The following PRICKLE3 variants were observed in gnomAD, a reference collection of about 807,000 sequenced individuals.
PRICKLE3 encodes the protein LIM domain only protein 6.
PRICKLE3 carries 17 observed loss-of-function variants against 33.8 expected under a neutral mutation model. The ratio of observed to expected loss-of-function variants is 0.50; its 90% CI spans 0.34 to 0.75. The LOEUF is 0.75. PRICKLE3 is among the 30% of genes least tolerant of loss of function. The pLI, the probability that PRICKLE3 is intolerant of heterozygous loss-of-function variation, is 0.01. For synonymous variants in PRICKLE3, 211 were observed against 219.6 expected (o/e 0.96, Z 0.34); for missense variants, 573 against 576.7 (o/e 0.99, Z 0.07).
At position 49,179,760 on chromosome X, in the gene PRICKLE3, A is replaced by G; in HGVS notation, c.359T>C (p.Val120Ala). The G allele has an allele frequency of 8.5e-7, 1 of 1,182,288 alleles. No homozygotes were observed. Among genetic ancestry groups the G allele is most frequent in the Non-Finnish European group, 1.1e-6 (1 of 878,327 alleles). The change falls in exon 4 of 9, where the codon GTC becomes GCC. Residue 120 changes from valine to alanine, a missense_variant. By Grantham distance (64) the Val-to-Ala change is moderately conservative. Transcript: ENST00000599218. ...SCLPEDKVPY[V>A]NSPGEKYRIK... ...CCTGTATTTCTCCCCAGGACTGTTGACGTAGGGGACCTTGTCCTCTGGGAG... is the reference window on the plus strand; with the variant it reads ...CCTGTATTTCTCCCCAGGACTGTTGGCGTAGGGGACCTTGTCCTCTGGGAG...
In PRICKLE3 at chrX:49,176,337, G is replaced by A. The variant is rs782301069; in HGVS notation, c.1256-72C>T. On this transcript the variant is annotated intron_variant, in intron 8 of 8. Transcript: ENST00000599218. ...GGCCCCCTCCTAAGAGGAGGCCTGC[G>A]GAAGGGCCTTCTTTCCTCCACTAAG... The A allele has an allele frequency of 7.8e-4, 627 of 806,639 alleles. 1 individual carries two copies. The South Asian group carries it at 0.015, about 19-fold the overall frequency. The allele number at this position is 806,639 out of a possible 1,213,427, so 66.5% of individuals were successfully genotyped here. A position where few individuals can be genotyped will look rare whatever the true frequency, so the allele number is the denominator to read the frequency against.
In PRICKLE3 at chrX:49,176,140, G is replaced by C; in HGVS notation, c.1381C>G (p.Pro461Ala). The change falls in exon 9 of 9, where the codon CCA becomes GCA. Residue 461 changes from proline to alanine, a missense_variant. Coordinates refer to ENST00000599218, the MANE Select transcript of PRICKLE3 (RefSeq NM_006150.5). ...PESPGQPNLR[P>A]DDSAFGRQST... is the part of the protein sequence containing the mutation. ...TGACGACCGAAGGCACTATCATCTG[G>C]GCGCAGGTTAGGCTGGCCGGGGGAC... 1 of 1,204,272 alleles carries C rather than the reference G, an allele frequency of 8.3e-7. No homozygotes were observed. The highest frequency in any genetic ancestry group is 1.1e-6 in the Non-Finnish European group (1 of 892,217).
intron 8 of PRICKLE3, among the ~76,000 whole-genome samples, 193 bp downstream of exon 8, chrX:49,176,710 G>A (rs782630199): frequency 9.2e-6 from 1 of 109,002 alleles, no homozygotes; most frequent in East Asian, 2.9e-4. Context: ...TTCATGAGGC[G>A]GGTGTAGTTT....
chrX:49,183,728 G>T lies in PRICKLE3; in HGVS notation c.312+6C>A. 8.3e-7 allele frequency: 1 copy of T among 1,211,640 alleles called. No homozygotes were observed. Among genetic ancestry groups the T allele is most frequent in the Non-Finnish European group, 1.1e-6 (1 of 895,402 alleles). ...CAGCAAGAGTGGAGGGCTGGCCTCT[G>T]GTCACCTGCTCCGGCTTAAGGCCTG... On this transcript the variant is annotated splice_donor_region_variant and intron_variant, in intron 3 of 8. Transcript: ENST00000599218.
In PRICKLE3 at chrX:49,178,346, A is replaced by G; in HGVS notation, c.694T>C (p.Tyr232His). Residue 232 changes from tyrosine (Y) to histidine (H), a missense_variant, in exon 6 of 9, where the codon TAC becomes CAC. Coordinates refer to ENST00000599218, the MANE Select transcript of PRICKLE3 (RefSeq NM_006150.5). ...QELLVDLIYF[Y>H]HVGKVYCGRH... ...CCGCAGTAGACCTTGCCAACATGGT[A>G]GAAGTAGATGAGGTCAACCAGCAGT... is the stretch of plus-strand genomic sequence containing the variant. 4.1e-6 allele frequency: 5 copies of G among 1,209,088 alleles called. No individual in the cohort carries two copies. Among genetic ancestry groups the G allele is most frequent in the Non-Finnish European group, 5.6e-6 (5 of 893,931 alleles).
intron 4 of PRICKLE3, 130 bp downstream of exon 4, chrX:49,179,563 C>T: frequency 1.2e-6 from 1 of 858,166 alleles, no homozygotes; most frequent in Non-Finnish European, 1.7e-6. Flanking sequence ...AAGGAATGTC[C>T]CCTGATGACC....
intron 5 of PRICKLE3, among the ~76,000 whole-genome samples, chrX:49,178,682 G>A (rs1046926741): frequency 8.9e-6 from 1 of 112,534 alleles, no homozygotes; most frequent in Non-Finnish European, 1.9e-5. Flanking sequence ...TGCTCATGAG[G>A]GAAGCCGTAG....
chrX:49,183,741 G>A lies in PRICKLE3; in HGVS notation c.305C>T (p.Pro102Leu), dbSNP rs2065468676. The change falls in exon 3 of 9, where the codon CCG becomes CTG. Residue 102 changes from proline to leucine, a missense_variant. By Grantham distance (98) the Pro-to-Leu change is moderately conservative (BLOSUM62 -3). Transcript: ENST00000599218. ...GGGCTGGCCTCTGGTCACCTGCTCC[G>A]GCTTAAGGCCTGGGGGCACCCAGGC... ...EYAWVPPGLK[P>L]EQVYQFFSCL... 3.3e-6 allele frequency: 4 copies of A among 1,211,809 alleles called. No individual in the cohort carries two copies. In the South Asian group the frequency reaches 7.0e-5, roughly 21 times the overall value.
intron 8 of PRICKLE3, among the ~76,000 whole-genome samples, chrX:49,176,513 C>T (rs1309504141): frequency 9.3e-6 from 1 of 107,994 alleles, no homozygotes; most frequent in African/African-American, 3.4e-5. Context: ...GCCAGGGCAC[C>T]CGGGGTGGCT....
intron 7 of PRICKLE3, 102 bp from the exon 8 acceptor site, chrX:49,177,304 G>A: frequency 1.1e-6 from 1 of 898,978 alleles, no homozygotes; most frequent in Non-Finnish European, 1.5e-6. Flanking sequence ...GGAATCCGAG[G>A]CAGGGCACCC....
intron 3 of PRICKLE3, chrX:49,183,487 C>T (rs1369179747): frequency 6.1e-6 from 4 of 656,165 alleles, no homozygotes; most frequent in Non-Finnish European, 8.9e-6. Context: ...GAGACCCTGT[C>T]TCAAAAACAA....
Position 49,176,061 on chromosome X carries a change from C to G in PRICKLE3, c.1460G>C (p.Arg487Pro). 8.3e-7 allele frequency: 1 copy of G among 1,206,216 alleles called. No individual in the cohort carries two copies. Among genetic ancestry groups the G allele is most frequent in the African/African-American group, 1.7e-5 (1 of 57,519 alleles). Residue 487 changes from arginine to proline, a missense_variant, in exon 9 of 9, where the codon CGC (arginine) becomes CCC (proline). By Grantham distance (103) the Arg-to-Pro change is moderately radical. Transcript: ENST00000599218. ...RDPLVSEGGPRRTLSAPPAQR... is the reference protein window; with the variant it reads ...RDPLVSEGGPPRTLSAPPAQR... ...GGCCGGGGGTGCACTCAGGGTCCGG[C>G]GCGGGCCTCCTTCAGACACCAGAGG...
chrX:49,174,827 G>A lies in PRICKLE3; in HGVS notation c.*846C>T. The A allele has an allele frequency of 1.7e-6, 1 of 584,653 alleles. No homozygotes were observed. The highest frequency in any genetic ancestry group is 2.9e-6 in the Non-Finnish European group (1 of 341,686). 48.2% of individuals were successfully genotyped at this position (584,653 alleles called of 1,213,427 possible). A position where few individuals can be genotyped will look rare whatever the true frequency, so the allele number is the denominator to read the frequency against. On this transcript the variant is annotated 3_prime_UTR_variant, in exon 9 of 9. Transcript: ENST00000599218. ...TTTGAGGTAAAAGTGCCTTTATTGGGAGACTTTTGTCTTCCAGCCTGCCAA... is the reference window on the plus strand; with the variant it reads ...TTTGAGGTAAAAGTGCCTTTATTGGAAGACTTTTGTCTTCCAGCCTGCCAA...
rs2065428845 is a variant in PRICKLE3, at chrX:49,178,021, C to T, written c.927G>A (p.Glu309=). The change falls in exon 7 of 9, where the codon GAG becomes GAA. Residue 309 remains glutamate, a synonymous_variant. Coordinates refer to ENST00000599218, the MANE Select transcript of PRICKLE3 (RefSeq NM_006150.5). ...TGTGCTCCCCACAGCCATCACAGTACTCCGCGTGGCGGGCCTCGTAGCAGG... is the reference window on the plus strand; with the variant it reads ...TGTGCTCCCCACAGCCATCACAGTATTCCGCGTGGCGGGCCTCGTAGCAGG... ...CCACYEARHA[E]YCDGCGEHIG... is the part of the protein sequence containing the mutation. 1 of 1,153,335 alleles carries T rather than the reference C, an allele frequency of 8.7e-7. No individual in the cohort carries two copies. Among genetic ancestry groups the T allele is most frequent in the Non-Finnish European group, 1.2e-6 (1 of 866,026 alleles).
Position 49,175,486 on chromosome X carries a change from C to A in PRICKLE3, c.*187G>T, listed in dbSNP as rs1312604220. The stretch of plus-strand genomic sequence containing the variant: ...GCAGTGAGCCCTGATCACACCACTG[C>A]ACTCCAGCCTGGGCAATAGGGTAGA... On this transcript the variant is annotated 3_prime_UTR_variant, in exon 9 of 9. Coordinates refer to ENST00000599218, the MANE Select transcript of PRICKLE3 (RefSeq NM_006150.5). The A allele has an allele frequency of 1.7e-5, 8 of 466,312 alleles. No individual in the cohort carries two copies. In the East Asian group the frequency reaches 3.0e-4, roughly 17 times the overall value. The allele number at this position is 466,312 out of a possible 1,213,427, so 38.4% of individuals were successfully genotyped here. A position where few individuals can be genotyped will look rare whatever the true frequency, so the allele number is the denominator to read the frequency against.
Position 49,176,198 on chromosome X carries a change from C to T in PRICKLE3, c.1323G>A (p.Leu441=). Residue 441 remains leucine, a synonymous_variant, in exon 9 of 9, where the codon CTG becomes CTA. Coordinates refer to ENST00000599218, the MANE Select transcript of PRICKLE3 (RefSeq NM_006150.5). ...GAPHRHSMPE[L]GLRSVPEPPP... ...GCGGCTCGGGGACACTGCGGAGCCC[C>T]AGTTCCGGCATGGAGTGGCGGTGGG... The T allele has an allele frequency of 8.5e-7, 1 of 1,172,142 alleles. No homozygotes were observed. The highest frequency in any genetic ancestry group is 1.1e-6 in the Non-Finnish European group (1 of 875,481).
chrX:49,177,482 G>A (rs946959768), intron 7 of PRICKLE3, among the ~76,000 whole-genome samples: 43 of 112,375 alleles, frequency 3.8e-4, no homozygotes, highest in African/African-American at 1.2e-3. Context: ...TAAGATTCGG[G>A]CCAGGCTTAG....
chrX:49,179,304 G>A lies in PRICKLE3; in HGVS notation c.511C>T (p.Arg171Cys), dbSNP rs1473490379. ...ACCGGGAAGATGCGCACGATGCCAC[G>A]CCCCAGATTCTCCCGCTTCCGCTGC... ...SQQRKRENLG[R>C]GIVRIFPVTI... is the part of the protein sequence containing the mutation. The change falls in exon 5 of 9, where the codon CGT becomes TGT. Residue 171 changes from arginine (R) to cysteine (C), a missense_variant. By Grantham distance (180) the Arg-to-Cys change is radical. Transcript: ENST00000599218. 3.3e-6 allele frequency: 4 copies of A among 1,211,208 alleles called. No individual in the cohort carries two copies. Among genetic ancestry groups the A allele is most frequent in the Admixed American group, 4.3e-5 (2 of 46,017 alleles).
intron 3 of PRICKLE3, 118 bp from the exon 4 acceptor site, chrX:49,179,924 C>T (rs1157053196): frequency 1.4e-5 from 6 of 427,063 alleles, no homozygotes; most frequent in African/African-American, 1.0e-4. Flanking sequence ...CCTTCTGACT[C>T]CCTCATCTCT....
Sources: allele counts gnomAD v4.1 joint callset (sites outside exome capture counted in the v4.1 genomes callset), GRCh38; gene constraint gnomAD v4.1.1; transcripts MANE v1.5; gene names NCBI Gene and HGNC (gene_info 2026-07-23, HGNC 2026-07-21).